The following CLEC9A variants were observed in gnomAD, a reference collection of about 807,000 sequenced individuals.
The protein encoded by CLEC9A is C-type lectin domain containing 9A.
CLEC9A carries 24 observed loss-of-function variants against 30.0 expected under a neutral mutation model. The observed-to-expected ratio is 0.80, with a 90% CI of 0.58 to 1.13. The LOEUF is 1.13. CLEC9A is among the 50% of genes most tolerant of loss of function. CLEC9A has a pLI of 0.00. For missense variants in CLEC9A, 251 were observed against 280.9 expected (o/e 0.89, Z 0.76); for synonymous variants, 111 against 96.8 (o/e 1.15, Z -0.86).
At chr12:10,052,800 G>T (rs753244809) in intron 4 of CLEC9A, 22 bp downstream of exon 4, 15 of 1,600,440 alleles carry the variant, frequency 9.4e-6, no homozygotes, top group Non-Finnish European at 1.2e-5. Context: ...TAACTATTTT[G>T]TGTGAGACTT....
Position 10,054,276 on chromosome 12 carries a change from T to C in CLEC9A, c.97T>C (p.Cys33Arg). 1.2e-6 allele frequency: 2 copies of C among 1,612,472 alleles called. No individual in the cohort carries two copies. The highest frequency in any genetic ancestry group is 4.5e-5 in the East Asian group (2 of 44,832). ...CLSSNKCSGA[C>R]CLVMVISCVF... The stretch of plus-strand genomic sequence containing the variant: ...TTTTCCTATTCTGTGGTTAGGAGCA[T>C]GCTGTCTTGTGATGGTGATTTCATG... Residue 33 changes from cysteine to arginine, a missense_variant, in exon 5 of 9, where the codon TGC becomes CGC. Coordinates refer to ENST00000355819, the MANE Select transcript of CLEC9A (RefSeq NM_207345.4).
At chr12:10,064,935 T>A (rs2137316864) in intron 8 of CLEC9A, 82 bp downstream of exon 8, 1 of 1,483,256 alleles carries the variant, frequency 6.7e-7, no homozygotes, top group Non-Finnish European at 9.0e-7. Flanking sequence ...TACCATGAAT[T>A]TTCTCCAAGG....
Position 10,041,563 on chromosome 12 carries a change from G to C in CLEC9A, c.-220G>C, listed in dbSNP as rs1865797933. 2.0e-6 allele frequency: 1 copy of C among 509,100 alleles called. No individual in the cohort carries two copies. Among genetic ancestry groups the C allele is most frequent in the Middle Eastern group, 3.3e-4 (1 of 3,004 alleles). 31.5% of individuals were successfully genotyped at this position (509,100 alleles called of 1,614,324 possible). ...ACAACTTGACATGGAAAGAGAGTGA[G>C]CAGTACTGCACTGACATGAAGGCTA... On this transcript the variant is annotated 5_prime_UTR_variant, in exon 2 of 9. Coordinates refer to ENST00000355819, the MANE Select transcript of CLEC9A (RefSeq NM_207345.4).
chr12:10,039,135 T>G (rs571543480), intron 1 of CLEC9A, among the ~76,000 whole-genome samples: 1 of 152,240 alleles, frequency 6.6e-6, no homozygotes, highest in Non-Finnish European at 1.5e-5. Context: ...CCCTGCTTCC[T>G]CCTCCTGGTG....
intron 8 of CLEC9A, 82 bp from the exon 9 acceptor site, chr12:10,065,418 T>TACA (rs1464056058): frequency 3.9e-6 from 6 of 1,532,520 alleles, no homozygotes; most frequent in Non-Finnish European, 5.3e-6. Flanking sequence ...AACAAGCAGC[T>TACA]ACACACCTCT....
chr12:10,043,951 T>C (rs1377333332), intron 2 of CLEC9A, among the ~76,000 whole-genome samples: 1 of 152,148 alleles, frequency 6.6e-6, no homozygotes, highest in African/African-American at 2.4e-5. Flanking sequence ...AGTGCTGGCA[T>C]TACAGGCATA....
chr12:10,060,171 C>A (rs1372225016), intron 5 of CLEC9A, among the ~76,000 whole-genome samples: 2 of 152,214 alleles, frequency 1.3e-5, no homozygotes. Flanking sequence ...AAACTTCACA[C>A]TTCCTTAAAA....
At chr12:10,055,942 C>G (rs1378442795) in intron 5 of CLEC9A, among the ~76,000 whole-genome samples, 1 of 149,748 alleles carries the variant, frequency 6.7e-6, no homozygotes, top group Non-Finnish European at 1.5e-5. Flanking sequence ...GCCTGTAATC[C>G]TAGCTACTCC....
chr12:10,062,969 G>A lies in CLEC9A; in HGVS notation c.320-86G>A, dbSNP rs183242117. 68 of 1,169,908 alleles carry A rather than the reference G, an allele frequency of 5.8e-5. No homozygotes were observed. In the African/African-American group the frequency reaches 9.7e-4, roughly 17 times the overall value. The allele number at this position is 1,169,908 out of a possible 1,614,324, so 72.5% of individuals were successfully genotyped here. A position where few individuals can be genotyped will look rare whatever the true frequency, so the allele number is the denominator to read the frequency against. The stretch of plus-strand genomic sequence containing the variant: ...TTACGTTATGAGATTCAGCCTCACT[G>A]AGGGTGAGGCAAGGGGCTTTTTGGA... On this transcript the variant is annotated intron_variant, in intron 6 of 8. Coordinates refer to ENST00000355819, the MANE Select transcript of CLEC9A (RefSeq NM_207345.4).
At chr12:10,033,584 G>A (rs1283385745) in intron 1 of CLEC9A, among the ~76,000 whole-genome samples, 4 of 152,176 alleles carry the variant, frequency 2.6e-5, no homozygotes, top group Non-Finnish European at 4.4e-5. Context: ...CAAAAACTTG[G>A]AATCACCTTT....
Position 10,039,756 on chromosome 12 carries a change from GA to G in CLEC9A, c.-317-1708del, listed in dbSNP as rs1865774938. Among the ~76,000 whole-genome samples, 3 of 152,272 alleles carry G rather than the reference GA, an allele frequency of 2.0e-5. No homozygotes were observed. The South Asian group carries it at 6.2e-4, about 32-fold the overall frequency. On this transcript the variant is annotated intron_variant, in intron 1 of 8. Coordinates refer to ENST00000355819, the MANE Select transcript of CLEC9A (RefSeq NM_207345.4). ...TGTTGATTTTTCATGAGATATTTTA[GA>G]ATCTTTCATTTATCATCTTTTATTT... is the stretch of plus-strand genomic sequence containing the variant.
intron 4 of CLEC9A, 63 bp from the exon 5 acceptor site, chr12:10,054,208 C>T (rs1865919777): frequency 4.7e-6 from 6 of 1,288,032 alleles, no homozygotes; most frequent in East Asian, 2.3e-5. Flanking sequence ...TCAATCTATC[C>T]TTGCCCCGTC....
At position 10,065,653 on chromosome 12, in the gene CLEC9A, T is replaced by C. The variant is rs912543888; in HGVS notation, c.*21T>C. The C allele has an allele frequency of 1.7e-5, 27 of 1,613,036 alleles. No individual in the cohort carries two copies. Among genetic ancestry groups the C allele is most frequent in the East Asian group, 2.2e-5 (1 of 44,862 alleles). ...TCTGAAAGAAATTGTGTTCAAAGTGTTCTATTACACTGTTATTTGGAGCAT... is the reference window on the plus strand; with the variant it reads ...TCTGAAAGAAATTGTGTTCAAAGTGCTCTATTACACTGTTATTTGGAGCAT... On this transcript the variant is annotated 3_prime_UTR_variant, in exon 9 of 9. Transcript: ENST00000355819.
intron 1 of CLEC9A, among the ~76,000 whole-genome samples, chr12:10,037,876 A>G (rs1265162619): frequency 1.3e-5 from 2 of 152,212 alleles, no homozygotes; most frequent in East Asian, 3.8e-4. Flanking sequence ...GTTATGGAAA[A>G]GAGTGAAGCA....
chr12:10,031,212 T>G (rs1865692670), intron 1 of CLEC9A, among the ~76,000 whole-genome samples: 1 of 151,984 alleles, frequency 6.6e-6, no homozygotes, highest in East Asian at 1.9e-4. Flanking sequence ...TGAGGGAAGA[T>G]GCAAGTGGAG....
chr12:10,043,585 C>A (rs1328484333), intron 2 of CLEC9A, among the ~76,000 whole-genome samples: 3 of 150,036 alleles, frequency 2.0e-5, no homozygotes, highest in African/African-American at 7.4e-5. Context: ...CCATTCATTT[C>A]TATATTAATC....
At chr12:10,057,843 AT>A (rs532185174) in intron 5 of CLEC9A, among the ~76,000 whole-genome samples, 8 of 152,040 alleles carry the variant, frequency 5.3e-5, no homozygotes, top group Non-Finnish European at 7.4e-5. Flanking sequence ...TATGCCATTA[AT>A]TTTTGTATTA....
intron 5 of CLEC9A, among the ~76,000 whole-genome samples, chr12:10,060,353 A>T (rs1472361321): frequency 6.6e-6 from 1 of 152,222 alleles, no homozygotes; most frequent in Non-Finnish European, 1.5e-5. Context: ...AATTCATATC[A>T]TGGAATTCTA....
At chr12:10,035,292 T>G (rs1565587363) in intron 1 of CLEC9A, among the ~76,000 whole-genome samples, 1 of 152,190 alleles carries the variant, frequency 6.6e-6, no homozygotes, top group African/African-American at 2.4e-5. Flanking sequence ...CATCTGGGCA[T>G]GAAGGCAGGA....
Sources: allele counts gnomAD v4.1 joint callset (sites outside exome capture counted in the v4.1 genomes callset), GRCh38; gene constraint gnomAD v4.1.1; transcripts MANE v1.5; gene names NCBI Gene and HGNC (gene_info 2026-07-23, HGNC 2026-07-21).